NPLOC4: variants seen among roughly 807,000 people sequenced by gnomAD.
NPLOC4 encodes the protein NPL4 homolog, ubiquitin recognition factor.
In NPLOC4, 18 loss-of-function variants were observed where a neutral mutation model predicts 80.6. That is an observed-to-expected ratio of 0.22 (90% CI 0.15 to 0.33). The LOEUF (loss-of-function observed/expected upper bound fraction) is 0.33, where lower values mean the gene tolerates loss of function less well. Among genes scored for constraint, NPLOC4 ranks in the 10% least tolerant of loss-of-function variants. NPLOC4 has a pLI of 1.00. For synonymous variants in NPLOC4, 313 were observed against 301.5 expected (o/e 1.04, Z -0.39); for missense variants, 540 against 786.1 (o/e 0.69, Z 3.74).
At chr17:81,574,650 C>T (rs1242750638) in intron 12 of NPLOC4, among the ~76,000 whole-genome samples, 1 of 152,184 alleles carries the variant, frequency 6.6e-6, no homozygotes, top group African/African-American at 2.4e-5. Flanking sequence ...GAGGCCACTT[C>T]TGGAAGCAGT....
rs2034410585 is a variant in NPLOC4 at position 81,580,546 on chromosome 17, ACT to A, written c.1281+8396_1281+8397del. On this transcript the variant is annotated intron_variant, in intron 12 of 16. Coordinates refer to ENST00000331134, the MANE Select transcript of NPLOC4 (RefSeq NM_017921.4). The surrounding 1 kb of genome is among the most constrained non-coding windows in gnomAD (Gnocchi z 4.4). ...ACCCCAGCAGGCCACCCTGCTTATC[ACT>A]CTCTGTGTGGGGAACAGGCTGCTGC... Among the ~76,000 whole-genome samples the A allele has an allele frequency of 6.6e-6, 1 of 151,242 alleles. No individual in the cohort carries two copies. The highest frequency in any genetic ancestry group is 2.0e-4 in the East Asian group (1 of 5,120).
intron 2 of NPLOC4, 39 bp from the exon 3 acceptor site, chr17:81,622,317 C>T (rs573517523): frequency 2.1e-6 from 3 of 1,431,316 alleles, no homozygotes; most frequent in South Asian, 1.1e-5. Flanking sequence ...TAATGAAATG[C>T]TAAAGTATCA....
intron 8 of NPLOC4, among the ~76,000 whole-genome samples, chr17:81,603,029 CATG>C (rs1244548076): frequency 2.0e-5 from 3 of 149,216 alleles, no homozygotes; most frequent in African/African-American, 4.9e-5. Flanking sequence ...AAAAGTCAGA[CATG>C]GTGGTGCACG....
rs1393470097 is a variant in NPLOC4, at chr17:81,577,734, C to G, written c.1282-5646G>C. The stretch of plus-strand genomic sequence containing the variant: ...TCCCACACAGACCCATGGCTCTACT[C>G]TGGCACCAGTGCCAACCCTGCTCCC... On this transcript the variant is annotated intron_variant, in intron 12 of 16. Coordinates refer to ENST00000331134, the MANE Select transcript of NPLOC4 (RefSeq NM_017921.4). This position sits in a 1 kb window ranked among gnomAD's most constrained non-coding sequence, Gnocchi z 4.3. Among the ~76,000 whole-genome samples, 1 of 152,236 alleles carries G rather than the reference C, an allele frequency of 6.6e-6. No individual in the cohort carries two copies. The highest frequency in any genetic ancestry group is 1.5e-5 in the Non-Finnish European group (1 of 68,050).
In NPLOC4 at chr17:81,581,375, A is replaced by AAAAAAAAAAAAAAAGTC. The variant is rs1555680405; in HGVS notation, c.1281+7568_1281+7569insGACTTTTTTTTTTTTTT. Among the ~76,000 whole-genome samples the AAAAAAAAAAAAAAAGTC allele has an allele frequency of 3.6e-3, 259 of 72,856 alleles. 88 individuals carry two copies. The highest frequency in any genetic ancestry group is 5.4e-3 in the Admixed American group (31 of 5,764). 47.8% of individuals were successfully genotyped at this position (72,856 alleles called of 152,430 possible). A position where few individuals can be genotyped will look rare whatever the true frequency, so the allele number is the denominator to read the frequency against. On this transcript the variant is annotated intron_variant, in intron 12 of 16. Transcript: ENST00000331134. ...AAAAAAAAAAAAAAAAAAAAAAAAA[A>AAAAAAAAAAAAAAAGTC]AGTTAATAAAATCACCATGTCACAA...
intron 1 of NPLOC4, among the ~76,000 whole-genome samples, chr17:81,636,179 C>A (rs539693559): frequency 6.6e-6 from 1 of 152,092 alleles, no homozygotes; most frequent in Middle Eastern, 3.2e-3. Context: ...CCATGTTGGC[C>A]AGGATGGTCT....
chr17:81,611,036 T>C (rs1052709625), intron 4 of NPLOC4, among the ~76,000 whole-genome samples: 10 of 152,082 alleles, frequency 6.6e-5, no homozygotes, highest in East Asian at 5.9e-4. Flanking sequence ...AAGTAGTTTA[T>C]TGGCCAAAGG....
intron 2 of NPLOC4, among the ~76,000 whole-genome samples, chr17:81,626,510 G>A (rs538880481): frequency 4.6e-5 from 7 of 152,124 alleles, no homozygotes; most frequent in East Asian, 1.9e-4. Flanking sequence ...CAACGAAGAC[G>A]AGAAGACCAA....
At chr17:81,594,551 G>A (rs773137055) in intron 11 of NPLOC4, among the ~76,000 whole-genome samples, 28 of 152,040 alleles carry the variant, frequency 1.8e-4, no homozygotes, top group Non-Finnish European at 3.4e-4. Context: ...CGAGGTGGGC[G>A]GATCACGAGG....
chr17:81,601,017 T>C (rs540258522), intron 8 of NPLOC4, among the ~76,000 whole-genome samples: 1 of 152,282 alleles, frequency 6.6e-6, no homozygotes, highest in South Asian at 2.1e-4. Flanking sequence ...ACCACCTCCT[T>C]TCATCTGGCA....
At chr17:81,569,698 A>C (rs1459393928) in intron 13 of NPLOC4, among the ~76,000 whole-genome samples, 1 of 152,176 alleles carries the variant, frequency 6.6e-6, no homozygotes, top group Non-Finnish European at 1.5e-5. Flanking sequence ...CCCTTGAGGA[A>C]CACAGGGTTC....
intron 2 of NPLOC4, among the ~76,000 whole-genome samples, chr17:81,629,113 T>C (rs952484247): frequency 6.6e-6 from 1 of 151,478 alleles, no homozygotes; most frequent in African/African-American, 2.4e-5. Context: ...CTCCTGACCT[T>C]GTGATCCGCC....
chr17:81,583,606 T>G (rs1204387307), intron 12 of NPLOC4, among the ~76,000 whole-genome samples: 1 of 152,222 alleles, frequency 6.6e-6, no homozygotes, highest in Non-Finnish European at 1.5e-5. Flanking sequence ...GGACTATGTG[T>G]ACACCCATAT....
In NPLOC4 at chr17:81,599,389, C is replaced by CA. The variant is rs555870971; in HGVS notation, c.921+951dup. Among the ~76,000 whole-genome samples, 35 of 152,210 alleles carry CA rather than the reference C, an allele frequency of 2.3e-4. No homozygotes were observed. The South Asian group carries it at 7.3e-3, about 32-fold the overall frequency. ...ACTGTAAGATTATAACAAATTAGGTCAAAAAATTGGACCAATCTCTTTTAA... is the reference window on the plus strand; with the variant it reads ...ACTGTAAGATTATAACAAATTAGGTCAAAAAAATTGGACCAATCTCTTTTAA... On this transcript the variant is annotated intron_variant, in intron 9 of 16. Transcript: ENST00000331134.
In NPLOC4 at chr17:81,572,900, GC is replaced by G. The variant is rs2034198674; in HGVS notation, c.1282-813del. 6.6e-6 allele frequency among the ~76,000 whole-genome samples: 1 copy of G among 151,982 alleles called. No individual in the cohort carries two copies. The highest frequency in any genetic ancestry group is 2.4e-5 in the African/African-American group (1 of 41,350). On this transcript the variant is annotated intron_variant, in intron 12 of 16. Coordinates refer to ENST00000331134, the MANE Select transcript of NPLOC4 (RefSeq NM_017921.4). The surrounding 1 kb of genome is among the most constrained non-coding windows in gnomAD (Gnocchi z 4.5). ...AAAATAAAGGCATGCACAAATGAGC[GC>G]ACACACAAATATGAAGACACGGGAA...
At chr17:81,573,800 A>G (rs1272945474) in intron 12 of NPLOC4, among the ~76,000 whole-genome samples, 1 of 152,170 alleles carries the variant, frequency 6.6e-6, no homozygotes, top group African/African-American at 2.4e-5. Flanking sequence ...CTCTATTTCC[A>G]TTTCACGTAT....
chr17:81,632,148 G>C (rs978211404), intron 1 of NPLOC4, among the ~76,000 whole-genome samples: 1 of 150,730 alleles, frequency 6.6e-6, no homozygotes, highest in African/African-American at 2.4e-5. Context: ...GCTAATTTTT[G>C]TATTTTTAGT....
At chr17:81,617,263 T>A (rs531112374) in intron 3 of NPLOC4, among the ~76,000 whole-genome samples, 1 of 152,108 alleles carries the variant, frequency 6.6e-6, no homozygotes, top group African/African-American at 2.4e-5. Context: ...GGAAAAAAAA[T>A]CAGATTACGT....
At chr17:81,594,908 C>T (rs569531129) in intron 11 of NPLOC4, among the ~76,000 whole-genome samples, 1 of 152,070 alleles carries the variant, frequency 6.6e-6, no homozygotes, top group Admixed American at 6.5e-5. Flanking sequence ...CACCACTGTG[C>T]TCCAGCCTGG....
Sources: gnomAD v4.1 joint callset for allele counts (sites outside exome capture counted in the v4.1 genomes callset) on GRCh38, gnomAD v4.1.1 for gene constraint, Gnocchi (gnomAD v3.1) non-coding constraint, MANE v1.5 for transcripts, NCBI Gene and HGNC (gene_info 2026-07-23, HGNC 2026-07-21) for gene names.